Variants in PLB1 observed in about 807,000 individuals in gnomAD.
The protein encoded by PLB1 is phospholipase B1.
PLB1 carries 242 observed loss-of-function variants against 227.4 expected under a neutral mutation model. That is an observed-to-expected ratio of 1.06 (90% CI 0.96 to 1.18). The LOEUF is 1.18. PLB1 is among the 50% of genes most tolerant of loss of function. The pLI, the probability that PLB1 is intolerant of heterozygous loss-of-function variation, is 0.00. For missense variants in PLB1, 1,858 were observed against 1,816.3 expected (o/e 1.02, Z -0.42); for synonymous variants, 757 against 682.2 (o/e 1.11, Z -1.71).
At chr2:28,624,647 G>A (rs1178623929) in intron 49 of PLB1, among the ~76,000 whole-genome samples, 1 of 152,206 alleles carries the variant, frequency 6.6e-6, no homozygotes, top group African/African-American at 2.4e-5. Context: ...GGTTAAAGGA[G>A]TCATTAAGCC....
At position 28,568,007 on chromosome 2, in the gene PLB1, C is replaced by T. The variant is rs1029847424; in HGVS notation, c.1324+1168C>T. 4.6e-5 allele frequency among the ~76,000 whole-genome samples: 7 copies of T among 152,272 alleles called. No individual in the cohort carries two copies. In the South Asian group the frequency reaches 1.4e-3, roughly 32 times the overall value. Reference sequence around the variant, plus strand: ...TTTAGAAGCTAACAACTTGAAGCCACCAAGATTTGGATGAGGGGGACATCA... The same window carrying T: ...TTTAGAAGCTAACAACTTGAAGCCATCAAGATTTGGATGAGGGGGACATCA... On this transcript the variant is annotated intron_variant, in intron 20 of 57. Coordinates refer to ENST00000327757, the MANE Select transcript of PLB1 (RefSeq NM_153021.5).
intron 6 of PLB1, among the ~76,000 whole-genome samples, chr2:28,527,439 C>T (rs1270906947): frequency 6.6e-6 from 1 of 152,218 alleles, no homozygotes; most frequent in African/African-American, 2.4e-5. Context: ...AGAAAGTACT[C>T]TAGGGACATC....
chr2:28,638,594 G>A (rs773563124), intron 56 of PLB1, among the ~76,000 whole-genome samples: 6 of 152,050 alleles, frequency 3.9e-5, no homozygotes, highest in Non-Finnish European at 8.8e-5. Flanking sequence ...GAGGAGAGAC[G>A]CTGTCGTGGG....
intron 1 of PLB1, among the ~76,000 whole-genome samples, chr2:28,515,134 G>A (rs1668695430): frequency 6.6e-6 from 1 of 152,226 alleles, no homozygotes; most frequent in Non-Finnish European, 1.5e-5. Flanking sequence ...CTGTATTTGT[G>A]TTGGCTACCA....
intron 14 of PLB1, among the ~76,000 whole-genome samples, chr2:28,545,290 G>GC (rs1285400972): frequency 7.2e-5 from 11 of 152,282 alleles, no homozygotes; most frequent in Middle Eastern, 3.4e-3. Flanking sequence ...GCCTCAGCCA[G>GC]CAGGGACATG....
At chr2:28,604,548 G>A (rs1043658484) in intron 40 of PLB1, 107 bp from the exon 41 acceptor site, 3 of 747,716 alleles carry the variant, frequency 4.0e-6, no homozygotes, top group Admixed American at 2.8e-5. Context: ...AGGCTGAGTC[G>A]GCCCCTCCAT....
chr2:28,618,283 A>G lies in PLB1; in HGVS notation c.3257-58A>G. 3.5e-6 allele frequency: 5 copies of G among 1,442,050 alleles called. 1 individual carries two copies. The South Asian group carries it at 5.7e-5, about 17-fold the overall frequency. 89.3% of individuals were successfully genotyped at this position (1,442,050 alleles called of 1,614,324 possible). On this transcript the variant is annotated intron_variant, in intron 45 of 57. Transcript: ENST00000327757. ...GTTATAGACTTCTGGTAAAATGTGT[A>G]CTTTAAGAGGTAGATACCCCCAGCC...
rs141173438 is a variant in PLB1, at chr2:28,601,469, C to CAACACACACACA, written c.2607+137_2607+138insAACACACACACA. 4.0e-3 allele frequency: 2,407 copies of CAACACACACACA among 600,168 alleles called. 55 individuals carry two copies. The African/African-American group carries it at 0.041, about 10-fold the overall frequency. The allele number at this position is 600,168 out of a possible 1,614,324, so 37.2% of individuals were successfully genotyped here. A position where few individuals can be genotyped will look rare whatever the true frequency, so the allele number is the denominator to read the frequency against. On this transcript the variant is annotated intron_variant, in intron 37 of 57. Coordinates refer to ENST00000327757, the MANE Select transcript of PLB1 (RefSeq NM_153021.5). ...ACCTATGTCTGCACATATACACATA[C>CAACACACACACA]CACACACACACACACACACACACAC...
chr2:28,524,739 T>A (rs1669988319), intron 4 of PLB1, among the ~76,000 whole-genome samples: 1 of 152,080 alleles, frequency 6.6e-6, no homozygotes, highest in Non-Finnish European at 1.5e-5. Flanking sequence ...TCCCACACCT[T>A]CCATCGCTCC....
intron 49 of PLB1, among the ~76,000 whole-genome samples, chr2:28,622,454 A>C (rs978684676): frequency 6.6e-6 from 1 of 152,256 alleles, no homozygotes; most frequent in Non-Finnish European, 1.5e-5. Context: ...CCAAAAAAGC[A>C]GTACAGTACA....
rs372905890 is a variant in PLB1, at chr2:28,601,350, C to T, written c.2607+18C>T. ...CAGATTCGGTAATTGGGGCCAGGTC[C>T]AGGCCTACTTGTTGTTCCTAACTTT... On this transcript the variant is annotated intron_variant, in intron 37 of 57. Coordinates refer to ENST00000327757, the MANE Select transcript of PLB1 (RefSeq NM_153021.5). 47 of 1,608,616 alleles carry T rather than the reference C, an allele frequency of 2.9e-5. No homozygotes were observed. The highest frequency in any genetic ancestry group is 3.3e-5 in the Non-Finnish European group (39 of 1,175,462).
At chr2:28,536,606 G>A (rs1027398966) in intron 9 of PLB1, among the ~76,000 whole-genome samples, 2 of 152,164 alleles carry the variant, frequency 1.3e-5, no homozygotes, top group African/African-American at 4.8e-5. Context: ...TTATTAGAAA[G>A]AGTTAAGTTG....
Position 28,642,955 on chromosome 2 carries a change from C to A in PLB1, c.4271C>A (p.Ala1424Glu). The A allele has an allele frequency of 6.2e-7, 1 of 1,608,640 alleles. No homozygotes were observed. Among genetic ancestry groups the A allele is most frequent in the Non-Finnish European group, 8.5e-7 (1 of 1,177,840 alleles). The change falls in exon 58 of 58, where the codon GCG becomes GAG. Residue 1424 changes from alanine (A) to glutamate (E), a missense_variant. Coordinates refer to ENST00000327757, the MANE Select transcript of PLB1 (RefSeq NM_153021.5). ...CTCTACTGGGCTGTCCCAGTGGCAG[C>A]GGGAGTCGGCCTTGTGGTGGGCATC... ...EVLYWAVPVA[A>E]GVGLVVGIIG...
At chr2:28,623,098 C>A (rs1024612342) in intron 49 of PLB1, among the ~76,000 whole-genome samples, 1 of 152,162 alleles carries the variant, frequency 6.6e-6, no homozygotes, top group South Asian at 2.1e-4. Flanking sequence ...ACTGCACTGT[C>A]TAAAGACAGA....
At chr2:28,602,019 G>A (rs1683994331) in intron 38 of PLB1, 55 bp downstream of exon 38, 1 of 1,419,406 alleles carries the variant, frequency 7.0e-7, no homozygotes, top group Admixed American at 1.7e-5. Flanking sequence ...GAGGGTGAAG[G>A]TGGATGGGGG....
intron 20 of PLB1, among the ~76,000 whole-genome samples, chr2:28,569,801 C>T (rs2148250383): frequency 6.6e-6 from 1 of 151,770 alleles, no homozygotes; most frequent in South Asian, 2.1e-4. Context: ...CCCGTCTCTA[C>T]TAAAAATATA....
chr2:28,598,843 C>A, intron 35 of PLB1, 83 bp downstream of exon 35: 1 of 1,252,036 alleles, frequency 8.0e-7, no homozygotes, highest in Non-Finnish European at 1.2e-6. Context: ...GGGCTGGCCT[C>A]TATGTGCAAA....
intron 49 of PLB1, 33 bp from the exon 50 acceptor site, chr2:28,625,024 G>C (rs1687550781): frequency 1.2e-6 from 2 of 1,604,898 alleles, no homozygotes; most frequent in African/African-American, 2.7e-5. Context: ...TCCTGAGCCG[G>C]CACTAACGCC....
At chr2:28,576,518 T>C (rs573010446) in intron 21 of PLB1, among the ~76,000 whole-genome samples, 1 of 152,238 alleles carries the variant, frequency 6.6e-6, no homozygotes, top group Non-Finnish European at 1.5e-5. Context: ...TTACTTGAGG[T>C]CAGGAGTTCG....
Sources: allele counts gnomAD v4.1 joint callset (sites outside exome capture counted in the v4.1 genomes callset), GRCh38; gene constraint gnomAD v4.1.1; transcripts MANE v1.5; gene names NCBI Gene and HGNC (gene_info 2026-07-23, HGNC 2026-07-21).